CASQ2: variants seen among roughly 807,000 people sequenced by gnomAD.
The protein encoded by CASQ2 is calsequestrin-2.
In CASQ2, 49 loss-of-function variants were observed where a neutral mutation model predicts 46.5. The observed-to-expected ratio is 1.05, with a 90% CI of 0.84 to 1.34. The LOEUF (loss-of-function observed/expected upper bound fraction) is 1.34. Ranked by LOEUF, CASQ2 falls within the 40% of genes most tolerant of loss-of-function variation. The pLI is 0.00. For missense variants in CASQ2, 486 were observed against 481.3 expected (o/e 1.01, Z -0.09); for synonymous variants, 174 against 168.5 (o/e 1.03, Z -0.25).
At position 115,768,459 on chromosome 1, in the gene CASQ2, T is replaced by C. The variant is rs1230753325; in HGVS notation, c.83A>G (p.Tyr28Cys). Reference sequence around the variant, plus strand: ...ACTTACCACTCGGTCCTTCCCATCATATGTGGGGAAATTAAGCCCCTCTTC... The same window carrying C: ...ACTTACCACTCGGTCCTTCCCATCACATGTGGGGAAATTAAGCCCCTCTTC... ...RAEEGLNFPTYDGKDRVVSLS... is the reference protein window; with the variant it reads ...RAEEGLNFPTCDGKDRVVSLS... Residue 28 changes from tyrosine (Y) to cysteine (C), a missense_variant, in exon 1 of 11, where the codon TAT (tyrosine) becomes TGT (cysteine). By Grantham distance (194) the Tyr-to-Cys change is radical. Transcript: ENST00000261448. 13 of 1,613,730 alleles carry C rather than the reference T, an allele frequency of 8.1e-6. No homozygotes were observed. Among genetic ancestry groups the C allele is most frequent in the Non-Finnish European group, 1.1e-5 (13 of 1,179,712 alleles).
chr1:115,706,084 A>G (rs145394575), intron 8 of CASQ2, among the ~76,000 whole-genome samples: 2 of 152,278 alleles, frequency 1.3e-5, no homozygotes, highest in East Asian at 3.9e-4. Flanking sequence ...CCAGCTAGAA[A>G]CAGAAAAAAT....
In CASQ2 at chr1:115,732,902, C is replaced by G. The variant is rs756935347; in HGVS notation, c.605G>C (p.Gly202Ala). The change falls in exon 5 of 11, where the codon GGG (glycine) becomes GCG (alanine). Residue 202 changes from glycine to alanine, a missense_variant and splice_region_variant. By Grantham distance (60) the Gly-to-Ala change is moderately conservative. Transcript: ENST00000261448. The stretch of plus-strand genomic sequence containing the variant: ...AATTGGGGTTTCATAGGTACTTACC[C>G]CTTTGTCAAAGGTGGCAAAGAATTT... Reference protein sequence around the residue: ...YIKFFATFDKGVAKKLSLKMN... With the variant: ...YIKFFATFDKAVAKKLSLKMN... 3 of 1,610,296 alleles carry G rather than the reference C, an allele frequency of 1.9e-6. No homozygotes were observed. Among genetic ancestry groups the G allele is most frequent in the Non-Finnish European group, 2.5e-6 (3 of 1,176,646 alleles).
intron 7 of CASQ2, 33 bp from the exon 8 acceptor site, chr1:115,717,927 C>T (rs1299655888): frequency 1.4e-6 from 2 of 1,442,176 alleles, no homozygotes; most frequent in Non-Finnish European, 9.8e-7. Context: ...GTTACACTTC[C>T]AGCTGGAGGG....
intron 8 of CASQ2, among the ~76,000 whole-genome samples, chr1:115,706,798 C>T (rs551723174): frequency 6.6e-6 from 1 of 152,266 alleles, no homozygotes; most frequent in Non-Finnish European, 1.5e-5. Flanking sequence ...GCAAACCTCT[C>T]CTCTCTCCAG....
Position 115,739,063 on chromosome 1 carries a change from T to TAAAAA in CASQ2, c.421-733_421-729dup, listed in dbSNP as rs36062822. 1.6e-4 allele frequency among the ~76,000 whole-genome samples: 22 copies of TAAAAA among 140,414 alleles called. 1 individual carries two copies. In the South Asian group the frequency reaches 2.2e-3, roughly 14 times the overall value. 92.1% of individuals were successfully genotyped at this position (140,414 alleles called of 152,430 possible). Reference sequence around the variant, plus strand: ...GTTGCAAATGATAGTTTTCTTTTTTTAAAAAAAAAAAAAGCTGAATAGTAT... The same window carrying TAAAAA: ...GTTGCAAATGATAGTTTTCTTTTTTTAAAAAAAAAAAAAAAAAAGCTGAATAGTAT... On this transcript the variant is annotated intron_variant, in intron 3 of 10. Coordinates refer to ENST00000261448, the MANE Select transcript of CASQ2 (RefSeq NM_001232.4).
intron 1 of CASQ2, among the ~76,000 whole-genome samples, chr1:115,762,001 C>T (rs2101123150): frequency 6.6e-6 from 1 of 152,336 alleles, no homozygotes; most frequent in East Asian, 1.9e-4. Context: ...AGCATCCCAA[C>T]AGCCTCTATT....
At position 115,702,318 on chromosome 1, in the gene CASQ2, T is replaced by A. The variant is rs544889025; in HGVS notation, c.1014+603A>T. 4.6e-5 allele frequency among the ~76,000 whole-genome samples: 7 copies of A among 152,334 alleles called. No individual in the cohort carries two copies. In the South Asian group the frequency reaches 1.4e-3, roughly 32 times the overall value. On this transcript the variant is annotated intron_variant, in intron 10 of 10. Transcript: ENST00000261448. ...TGTCCACTGTTTGCCTGATTGTATCTGTCCCCACTTGAGTTTTATGATGGT... is the reference window on the plus strand; with the variant it reads ...TGTCCACTGTTTGCCTGATTGTATCAGTCCCCACTTGAGTTTTATGATGGT...
chr1:115,717,392 G>T (rs1014981477), intron 8 of CASQ2, among the ~76,000 whole-genome samples: 1 of 152,096 alleles, frequency 6.6e-6, no homozygotes, highest in Non-Finnish European at 1.5e-5. Context: ...ACATCCTCAC[G>T]ATTTCATCCC....
Position 115,740,508 on chromosome 1 carries a change from A to G in CASQ2, c.420+220T>C, listed in dbSNP as rs28730717. 0.029 allele frequency among the ~76,000 whole-genome samples: 4,475 copies of G among 152,300 alleles called. 214 individuals carry two copies. The highest frequency in any genetic ancestry group is 0.1 in the African/African-American group (4,174 of 41,542). The stretch of plus-strand genomic sequence containing the variant: ...CTGGTAACAGAATTAGCATATTACT[A>G]CTACATGGCCCCCAACAGTTTCTAG... On this transcript the variant is annotated intron_variant, in intron 3 of 10. Transcript: ENST00000261448.
chr1:115,723,343 T>G (rs1647459277), intron 7 of CASQ2, among the ~76,000 whole-genome samples: 1 of 149,720 alleles, frequency 6.7e-6, no homozygotes, highest in Non-Finnish European at 1.5e-5. Context: ...CTATCATCTA[T>G]CTATGTATCT....
intron 1 of CASQ2, among the ~76,000 whole-genome samples, chr1:115,767,399 A>G (rs1649170016): frequency 6.6e-6 from 1 of 152,150 alleles, no homozygotes; most frequent in Admixed American, 6.5e-5. Context: ...TTTATATGAT[A>G]ATCCTATTAA....
intron 1 of CASQ2, among the ~76,000 whole-genome samples, chr1:115,756,612 G>A (rs913231276): frequency 6.6e-6 from 1 of 152,130 alleles, no homozygotes; most frequent in African/African-American, 2.4e-5. Context: ...TATTTCTGCA[G>A]TGGTGACTTT....
rs1300315080 is a variant in CASQ2, at chr1:115,702,791, T to C, written c.1014+130A>G. 1.7e-5 allele frequency: 13 copies of C among 747,156 alleles called. No homozygotes were observed. In the East Asian group the frequency reaches 3.2e-4, roughly 19 times the overall value. The allele number at this position is 747,156 out of a possible 1,614,324, so 46.3% of individuals were successfully genotyped here. On this transcript the variant is annotated intron_variant, in intron 10 of 10. Transcript: ENST00000261448. ...CAGGCGTGGAACACACTGGCAAGTT[T>C]CCTTGAGCAGGACCCCTGCCCTCTT...
intron 8 of CASQ2, among the ~76,000 whole-genome samples, chr1:115,710,742 TAA>T (rs1654517726): frequency 6.6e-6 from 1 of 152,008 alleles, no homozygotes; most frequent in African/African-American, 2.4e-5. Flanking sequence ...TGGATGTAAA[TAA>T]AGAGACCTGG....
At position 115,762,616 on chromosome 1, in the gene CASQ2, T is replaced by A. The variant is rs563914268; in HGVS notation, c.234+5692A>T. ...GTGCCCAGAGGTCCTAAAACTGAGC[T>A]CTGAGGTCCTTGCATGTCTCCTTCC... is the stretch of plus-strand genomic sequence containing the variant. On this transcript the variant is annotated intron_variant, in intron 1 of 10. Coordinates refer to ENST00000261448, the MANE Select transcript of CASQ2 (RefSeq NM_001232.4). Among the ~76,000 whole-genome samples the A allele has an allele frequency of 1.2e-3, 184 of 152,330 alleles. 1 individual carries two copies. The highest frequency in any genetic ancestry group is 4.3e-3 in the African/African-American group (180 of 41,570).
In CASQ2 at chr1:115,705,254, G is replaced by A. The variant is rs201306936; in HGVS notation, c.877C>T (p.Arg293Trp). ...AGATCGGGGTTGTCAGTATTGTCCC[G>A]GGCAACCTGTTTCAGGATCTCCAGG... ...EFLEILKQVA[R>W]DNTDNPDLSI... The change falls in exon 9 of 11, where the codon CGG becomes TGG. Residue 293 changes from arginine (R) to tryptophan (W), a missense_variant. Coordinates refer to ENST00000261448, the MANE Select transcript of CASQ2 (RefSeq NM_001232.4). 1.6e-5 allele frequency: 26 copies of A among 1,613,912 alleles called. No homozygotes were observed. Among genetic ancestry groups the A allele is most frequent in the East Asian group, 4.5e-5 (2 of 44,872 alleles).
intron 8 of CASQ2, among the ~76,000 whole-genome samples, chr1:115,706,150 G>T (rs917545691): frequency 6.7e-6 from 1 of 149,524 alleles, no homozygotes; most frequent in African/African-American, 2.4e-5. Context: ...GTGTGTGTGC[G>T]TGCGTGTGTG....
chr1:115,760,275 C>A, intron 1 of CASQ2, among the ~76,000 whole-genome samples: 1 of 152,202 alleles, frequency 6.6e-6, no homozygotes, highest in Non-Finnish European at 1.5e-5. Flanking sequence ...TGTCACAGTG[C>A]TTTGCAAACT....
chr1:115,736,292 T>G (rs1647956615), intron 4 of CASQ2, among the ~76,000 whole-genome samples: 1 of 152,256 alleles, frequency 6.6e-6, no homozygotes, highest in South Asian at 2.1e-4. Context: ...ATTTAAAATC[T>G]TGATAAGGAA....
Sources: allele counts gnomAD v4.1 joint callset (sites outside exome capture counted in the v4.1 genomes callset), GRCh38; gene constraint gnomAD v4.1.1; transcripts MANE v1.5; gene names NCBI Gene and HGNC (gene_info 2026-07-23, HGNC 2026-07-21).